The following ASTN2 variants were observed in gnomAD, a reference collection of about 807,000 sequenced individuals.
ASTN2 encodes astrotactin-2.
ASTN2 carries 54 observed loss-of-function variants against 139.8 expected under a neutral mutation model. The ratio of observed to expected loss-of-function variants is 0.39; its 90% CI spans 0.31 to 0.48. ASTN2 has a LOEUF of 0.48. Ranked by LOEUF, ASTN2 falls within the 20% of genes least tolerant of loss-of-function variation. ASTN2 has a pLI of 0.95. For missense variants in ASTN2, 1,565 were observed against 1,725.1 expected, an observed-to-expected ratio of 0.91 and a Z score of 1.64; for synonymous variants, 756 against 719.5, an observed-to-expected ratio of 1.05 and a Z score of -0.81.
chr9:117,163,398 A>G (rs377097647), intron 3 of ASTN2, among the ~76,000 whole-genome samples: 1 of 152,264 alleles, frequency 6.6e-6, no homozygotes. Flanking sequence ...GGAAAAACTA[A>G]TGCCATAATA....
chr9:116,600,927 G>T (rs1390541494), intron 19 of ASTN2, among the ~76,000 whole-genome samples: 1 of 151,780 alleles, frequency 6.6e-6, no homozygotes, highest in African/African-American at 2.4e-5. Context: ...CTTACTATGT[G>T]CCTGGCAATG....
intron 17 of ASTN2, among the ~76,000 whole-genome samples, chr9:116,632,263 A>AAGAC (rs1856840984): frequency 6.7e-6 from 1 of 149,706 alleles, no homozygotes; most frequent in Non-Finnish European, 1.5e-5. Flanking sequence ...GAAAGAAAGA[A>AAGAC]AGAAAGAAAG....
rs113195707 is a variant in ASTN2 at position 116,814,742 on chromosome 9, G to C, written c.2207+5875C>G. 2.8e-4 allele frequency among the ~76,000 whole-genome samples: 43 copies of C among 152,230 alleles called. 2 individuals carry two copies. The highest frequency in any genetic ancestry group is 9.6e-4 in the African/African-American group (40 of 41,562). ...CTGGGAACCTGTAAGAGGCAGTTAGGAGTGCAGATTTTTCCACATGGGAAA... is the reference window on the plus strand; with the variant it reads ...CTGGGAACCTGTAAGAGGCAGTTAGCAGTGCAGATTTTTCCACATGGGAAA... On this transcript the variant is annotated intron_variant, in intron 12 of 22. Coordinates refer to ENST00000313400, the MANE Select transcript of ASTN2 (RefSeq NM_001365068.1).
At chr9:117,253,942 G>A (rs1023657577) in intron 2 of ASTN2, among the ~76,000 whole-genome samples, 1 of 152,098 alleles carries the variant, frequency 6.6e-6, no homozygotes, top group East Asian at 1.9e-4. Context: ...CCAGCACCAG[G>A]AAGCCTTTCT....
intron 3 of ASTN2, among the ~76,000 whole-genome samples, chr9:117,172,022 A>G (rs529689045): frequency 9.8e-5 from 15 of 152,314 alleles, no homozygotes; most frequent in African/African-American, 3.4e-4. Flanking sequence ...GAAGGCAGAC[A>G]CAAAATAACG....
intron 10 of ASTN2, among the ~76,000 whole-genome samples, chr9:116,884,601 C>T (rs750582568): frequency 1.5e-4 from 23 of 151,992 alleles, no homozygotes; most frequent in African/African-American, 3.1e-4. Flanking sequence ...GAACCCCAGA[C>T]GCAGAGGTTG....
At chr9:116,923,943 G>A (rs1242897168) in intron 10 of ASTN2, among the ~76,000 whole-genome samples, 1 of 152,212 alleles carries the variant, frequency 6.6e-6, no homozygotes, top group African/African-American at 2.4e-5. Flanking sequence ...CCCATGTGCT[G>A]TGGAGCAGGG....
At chr9:116,661,400 C>T (rs745408842) in intron 16 of ASTN2, among the ~76,000 whole-genome samples, 7 of 152,044 alleles carry the variant, frequency 4.6e-5, no homozygotes, top group Admixed American at 2.0e-4. Context: ...AAGCTTAGTG[C>T]GATGAGTAAA....
At chr9:116,798,439 A>G (rs73523315) in intron 13 of ASTN2, among the ~76,000 whole-genome samples, 7,546 of 152,244 alleles carry the variant, frequency 0.05, 626 homozygotes, top group African/African-American at 0.17. Context: ...GAGTGCTGGG[A>G]GCCTTGAAGG....
chr9:116,448,072 G>A (rs550430205), intron 20 of ASTN2, among the ~76,000 whole-genome samples: 15 of 152,292 alleles, frequency 9.8e-5, no homozygotes, highest in African/African-American at 3.6e-4. Context: ...CGAGAGTATA[G>A]GAGAATGCGT....
At chr9:117,325,416 A>C (rs1828481576) in intron 1 of ASTN2, among the ~76,000 whole-genome samples, 3 of 152,096 alleles carry the variant, frequency 2.0e-5, no homozygotes, top group Admixed American at 2.0e-4. Flanking sequence ...TCATTAAAAC[A>C]GTCAGTCTGG....
At chr9:117,226,126 A>G (rs1465386827) in intron 2 of ASTN2, among the ~76,000 whole-genome samples, 15 of 152,190 alleles carry the variant, frequency 9.9e-5, no homozygotes, top group African/African-American at 2.9e-4. Flanking sequence ...TTTTCTTGCA[A>G]TTCCAATTAC....
intron 19 of ASTN2, among the ~76,000 whole-genome samples, chr9:116,551,351 A>G (rs551948045): frequency 3.4e-4 from 52 of 152,180 alleles, no homozygotes; most frequent in Non-Finnish European, 6.0e-4. Context: ...GAGAACACTG[A>G]GAAAATCAAT....
chr9:117,276,702 G>C (rs1834198724), intron 2 of ASTN2, among the ~76,000 whole-genome samples: 1 of 152,190 alleles, frequency 6.6e-6, no homozygotes, highest in African/African-American at 2.4e-5. Context: ...AGGGCACAGA[G>C]AGACAAGGGC....
At chr9:117,000,433 G>A (rs2132568710) in intron 7 of ASTN2, among the ~76,000 whole-genome samples, 1 of 152,312 alleles carries the variant, frequency 6.6e-6, no homozygotes, top group East Asian at 1.9e-4. Context: ...TGCTTTATGT[G>A]TTGTAGACCA....
At chr9:116,733,615 A>G in intron 13 of ASTN2, 92 bp from the exon 14 acceptor site, 2 of 1,532,290 alleles carry the variant, frequency 1.3e-6, no homozygotes, top group Non-Finnish European at 1.8e-6. Flanking sequence ...AGTCAGAATA[A>G]AGACTCATGG....
Position 116,610,421 on chromosome 9 carries a change from A to G in ASTN2, c.3355+7903T>C, listed in dbSNP as rs1374763587. On this transcript the variant is annotated intron_variant, in intron 19 of 22. Transcript: ENST00000313400. ...GGAGTTTGAGATCAGCCTGGCCAAC[A>G]TGGCGAAACCCCATCTCTACTAAAA... is the stretch of plus-strand genomic sequence containing the variant. Among the ~76,000 whole-genome samples, 4 of 152,268 alleles carry G rather than the reference A, an allele frequency of 2.6e-5. No homozygotes were observed. In the South Asian group the frequency reaches 6.2e-4, roughly 24 times the overall value.
intron 16 of ASTN2, chr9:116,687,274 G>A (rs1332879993): frequency 1.0e-6 from 1 of 990,586 alleles, no homozygotes; most frequent in Non-Finnish European, 1.2e-6. Context: ...GACGGACAGG[G>A]AGCTCTGCGA....
intron 6 of ASTN2, among the ~76,000 whole-genome samples, chr9:117,011,562 C>G (rs954023789): frequency 1.3e-5 from 2 of 152,232 alleles, no homozygotes; most frequent in African/African-American, 4.8e-5. Flanking sequence ...ACTGAACAAA[C>G]TAAGACAGCA....
Sources: gnomAD v4.1 joint callset for allele counts (sites outside exome capture counted in the v4.1 genomes callset) on GRCh38, gnomAD v4.1.1 for gene constraint, MANE v1.5 for transcripts, NCBI Gene and HGNC (gene_info 2026-07-23, HGNC 2026-07-21) for gene names.